The following MPP1 variants were observed in gnomAD, a reference collection of about 807,000 sequenced individuals.
MPP1 encodes the protein 55 kDa erythrocyte membrane protein.
A neutral mutation model predicts 38.2 loss-of-function variants in MPP1; 6 were observed. The observed-to-expected ratio is 0.16, with a 90% CI of 0.09 to 0.31. The LOEUF (loss-of-function observed/expected upper bound fraction) is 0.31. MPP1 is among the 10% of genes least tolerant of loss of function. The pLI, the probability that MPP1 is intolerant of heterozygous loss-of-function variation, is 1.00. For synonymous variants in MPP1, 153 were observed against 146.3 expected, an observed-to-expected ratio of 1.05 and a Z score of -0.33; for missense variants, 293 against 368.9, an observed-to-expected ratio of 0.79 and a Z score of 1.69.
chrX:154,783,511 T>G lies in MPP1; in HGVS notation c.866-4A>C. 8.4e-7 allele frequency: 1 copy of G among 1,196,660 alleles called. No individual in the cohort carries two copies. ...CTGCGACCCACCCCACTGGCTCCTG[T>G]GTAGAGAGAGAAGAACATCTTTTGG... On this transcript the variant is annotated splice_region_variant and splice_polypyrimidine_tract_variant and intron_variant, in intron 8 of 11. Transcript: ENST00000369534.
At chrX:154,791,627 A>C (rs2072142747) in intron 3 of MPP1, 142 bp downstream of exon 3, 7 of 494,016 alleles carry the variant, frequency 1.4e-5, no homozygotes, top group Non-Finnish European at 2.4e-5. Flanking sequence ...AGAGCCAGTT[A>C]TTAAGCCACA....
At chrX:154,790,527 T>C (rs1243350784) in intron 4 of MPP1, among the ~76,000 whole-genome samples, 5 of 96,915 alleles carry the variant, frequency 5.2e-5, no homozygotes, top group African/African-American at 1.9e-4. Context: ...CGAAACTCCA[T>C]CTCAAAAAAA....
intron 11 of MPP1, among the ~76,000 whole-genome samples, chrX:154,780,541 G>C (rs1471983398): frequency 8.8e-6 from 1 of 113,037 alleles, no homozygotes; most frequent in Non-Finnish European, 1.9e-5. Flanking sequence ...TGCAGGCAAA[G>C]AGAAACAAGC....
At chrX:154,799,163 C>A (rs1259749114) in intron 1 of MPP1, among the ~76,000 whole-genome samples, 3 of 112,220 alleles carry the variant, frequency 2.7e-5, no homozygotes, top group Non-Finnish European at 5.6e-5. Flanking sequence ...AGTTGCCATC[C>A]CAAAGGTTGG....
intron 9 of MPP1, 137 bp downstream of exon 9, chrX:154,783,290 T>C (rs1186014169): frequency 1.3e-5 from 4 of 313,919 alleles, no homozygotes; most frequent in Non-Finnish European, 2.0e-5. Context: ...AATTTTTATC[T>C]TTCCATATTT....
intron 1 of MPP1, among the ~76,000 whole-genome samples, chrX:154,801,072 C>A (rs899295479): frequency 8.9e-6 from 1 of 112,474 alleles, no homozygotes. Context: ...ACACTCCACA[C>A]CCAGAGTTCT....
In MPP1 at chrX:154,805,413, C is replaced by A. The variant is rs1557269080; in HGVS notation, c.-40G>T. ...AACACTGGAACGCAAGACAGGGCAG[C>A]GCTGGGAATGACAGGGCCCGGGGCC... On this transcript the variant is annotated 5_prime_UTR_variant, in exon 1 of 12. Transcript: ENST00000369534. 3.5e-6 allele frequency: 4 copies of A among 1,138,112 alleles called. No individual in the cohort carries two copies. Among genetic ancestry groups the A allele is most frequent in the Non-Finnish European group, 4.7e-6 (4 of 845,248 alleles). The allele number at this position is 1,138,112 out of a possible 1,213,427, so 93.8% of individuals were successfully genotyped here. A position where few individuals can be genotyped will look rare whatever the true frequency, so the allele number is the denominator to read the frequency against.
intron 5 of MPP1, among the ~76,000 whole-genome samples, chrX:154,786,621 C>T (rs1458749678): frequency 1.8e-5 from 2 of 111,056 alleles, no homozygotes; most frequent in Non-Finnish European, 3.8e-5. Context: ...AGAAGCCAGG[C>T]GCAGTGGCTC....
At position 154,805,359 on chromosome X, in the gene MPP1, C is replaced by G. The variant is rs781892950; in HGVS notation, c.15G>C (p.Ala5=). The change falls in exon 1 of 12, where the codon GCG becomes GCC. Residue 5 remains alanine (A), a synonymous_variant. Coordinates refer to ENST00000369534, the MANE Select transcript of MPP1 (RefSeq NM_002436.4). ...TGCTGCCCCCACTCTCGCCCTCGCT[C>G]GCCTTGAGGGTCATCTCGCAGAAGC... MTLK[A]SEGESGGSMH... 5 of 1,200,527 alleles carry G rather than the reference C, an allele frequency of 4.2e-6. No homozygotes were observed. Among genetic ancestry groups the G allele is most frequent in the Non-Finnish European group, 5.6e-6 (5 of 889,062 alleles).
intron 10 of MPP1, 71 bp from the exon 11 acceptor site, chrX:154,781,384 ACATAGC>A (rs2071997286): frequency 3.7e-5 from 33 of 901,941 alleles, no homozygotes; most frequent in Non-Finnish European, 4.9e-5. Flanking sequence ...AAAAAAACCT[ACATAGC>A]TGTCATAATG....
chrX:154,790,099 T>A, intron 4 of MPP1, 77 bp from the exon 5 acceptor site: 1 of 651,911 alleles, frequency 1.5e-6, no homozygotes, highest in Non-Finnish European at 2.3e-6. Flanking sequence ...AGTCCCAGGT[T>A]TTTTTCCCCA....
At chrX:154,798,939 G>A (rs192248073) in intron 1 of MPP1, among the ~76,000 whole-genome samples, 7 of 110,786 alleles carry the variant, frequency 6.3e-5, no homozygotes, top group African/African-American at 2.3e-4. Flanking sequence ...TCTCCGCATT[G>A]GCCAGGCTGG....
chrX:154,804,130 C>T (rs1456442101), intron 1 of MPP1, among the ~76,000 whole-genome samples: 5 of 112,059 alleles, frequency 4.5e-5, no homozygotes, highest in African/African-American at 1.6e-4. Flanking sequence ...AAAATCTAGC[C>T]TCAGTTCTGA....
intron 11 of MPP1, among the ~76,000 whole-genome samples, chrX:154,779,995 A>G (rs1410620301): frequency 5.3e-5 from 6 of 112,411 alleles, no homozygotes; most frequent in African/African-American, 1.9e-4. Flanking sequence ...CTGGGATTAC[A>G]GGTGTGAGCC....
intron 1 of MPP1, among the ~76,000 whole-genome samples, chrX:154,792,646 A>G (rs1229297766): frequency 9.0e-6 from 1 of 111,177 alleles, no homozygotes; most frequent in Non-Finnish European, 1.9e-5. Flanking sequence ...TACATAATAT[A>G]TAACAAAATT....
At chrX:154,785,203 C>T in intron 6 of MPP1, 46 bp from the exon 7 acceptor site, 1 of 931,537 alleles carries the variant, frequency 1.1e-6, no homozygotes, top group Middle Eastern at 3.5e-4. Context: ...TCCCCCTCCC[C>T]TCATACCCCC....
At chrX:154,800,996 TC>T (rs782569443) in intron 1 of MPP1, among the ~76,000 whole-genome samples, 1 of 112,615 alleles carries the variant, frequency 8.9e-6, no homozygotes, top group East Asian at 2.8e-4. Context: ...CCTCTTCCCC[TC>T]CTCTGGCGTC....
chrX:154,799,000 C>G (rs1557268387), intron 1 of MPP1, among the ~76,000 whole-genome samples: 2 of 111,920 alleles, frequency 1.8e-5, no homozygotes, highest in Non-Finnish European at 3.8e-5. Context: ...TCCCAAAGTG[C>G]TGGGATTACA....
rs188293677 is a variant in MPP1, at chrX:154,788,510, A to T, written c.480+1444T>A. Among the ~76,000 whole-genome samples, 426 of 112,307 alleles carry T rather than the reference A, an allele frequency of 3.8e-3. 6 individuals carry two copies. The highest frequency in any genetic ancestry group is 0.032 in the Middle Eastern group (7 of 217). ...CCCAACAAATCAGACAATGCTAAGT[A>T]TTGGTGAGAATACAGAACAACCAGA... On this transcript the variant is annotated intron_variant, in intron 5 of 11. Transcript: ENST00000369534.
Sources: allele counts gnomAD v4.1 joint callset (sites outside exome capture counted in the v4.1 genomes callset), GRCh38; gene constraint gnomAD v4.1.1; transcripts MANE v1.5; gene names NCBI Gene and HGNC (gene_info 2026-07-23, HGNC 2026-07-21).